SNX29: variants seen among roughly 807,000 people sequenced by gnomAD.
SNX29 encodes the protein sorting nexin-29.
A neutral mutation model predicts 102.1 loss-of-function variants in SNX29; 78 were observed. That is an observed-to-expected ratio of 0.76 (90% CI 0.64 to 0.92). SNX29 has a LOEUF of 0.92. Ranked by LOEUF, SNX29 falls within the 40% of genes least tolerant of loss-of-function variation. SNX29 has a pLI of 0.00. For missense variants in SNX29, 1,280 were observed against 1,061.7 expected, an observed-to-expected ratio of 1.21 and a Z score of -2.86; for synonymous variants, 580 against 414.5, an observed-to-expected ratio of 1.40 and a Z score of -4.85.
intron 18 of SNX29, among the ~76,000 whole-genome samples, chr16:12,472,544 CAAAA>C (rs568390260): frequency 2.6e-5 from 3 of 115,624 alleles, no homozygotes; most frequent in Non-Finnish European, 5.3e-5. Context: ...AAAAAAAAAA[CAAAA>C]AAAAAAAGAA....
intron 20 of SNX29, among the ~76,000 whole-genome samples, chr16:12,550,407 C>T (rs1010908207): frequency 1.2e-4 from 19 of 152,016 alleles, no homozygotes; most frequent in African/African-American, 1.9e-4. Context: ...TGGTGGTGCA[C>T]GCCTGTACTC....
rs117674182 is a variant in SNX29, at chr16:12,208,671, C to T, written c.1678+8988C>T. On this transcript the variant is annotated intron_variant, in intron 14 of 20. Transcript: ENST00000566228. Reference sequence around the variant, plus strand: ...TGGATGACGGAGCAAGAGGTCGTCTCTGCAAACAGTTAAAAAAAAATTGGC... The same window carrying T: ...TGGATGACGGAGCAAGAGGTCGTCTTTGCAAACAGTTAAAAAAAAATTGGC... 5.7e-4 allele frequency among the ~76,000 whole-genome samples: 86 copies of T among 152,116 alleles called. No individual in the cohort carries two copies. The East Asian group carries it at 0.01, about 18-fold the overall frequency.
intron 11 of SNX29, among the ~76,000 whole-genome samples, chr16:12,094,246 T>C (rs1165501199): frequency 2.0e-5 from 3 of 152,204 alleles, no homozygotes; most frequent in African/African-American, 4.8e-5. Flanking sequence ...AAGGGTGTTA[T>C]ATGCTATGTA....
chr16:12,329,409 T>C (rs945992378), intron 15 of SNX29, among the ~76,000 whole-genome samples: 36 of 152,100 alleles, frequency 2.4e-4, no homozygotes, highest in African/African-American at 6.3e-4. Flanking sequence ...AGTTGAACTC[T>C]CCACAGGCAG....
At chr16:12,010,910 C>G (rs1354395926) in intron 3 of SNX29, among the ~76,000 whole-genome samples, 1 of 152,036 alleles carries the variant, frequency 6.6e-6, no homozygotes, top group Non-Finnish European at 1.5e-5. Flanking sequence ...AACGGAATGG[C>G]TTTTTCAGGC....
chr16:12,540,208 C>T (rs1478071844), intron 20 of SNX29, among the ~76,000 whole-genome samples: 2 of 152,088 alleles, frequency 1.3e-5, no homozygotes, highest in African/African-American at 2.4e-5. Context: ...AGGATTGGGT[C>T]AAGGTTAACC....
rs555328714 is a variant in SNX29, at chr16:11,986,809, C to G, written c.7+9996C>G. Among the ~76,000 whole-genome samples, 3 of 152,206 alleles carry G rather than the reference C, an allele frequency of 2.0e-5. No homozygotes were observed. The East Asian group carries it at 5.8e-4, about 29-fold the overall frequency. On this transcript the variant is annotated intron_variant, in intron 1 of 20. Transcript: ENST00000566228. ...AGCCTCAAGTATTCATTTCTGCTGT[C>G]GTAGTTTGAAGGCAGCCACAGACCA... is the stretch of plus-strand genomic sequence containing the variant.
At chr16:12,442,437 A>G (rs7185322) in intron 18 of SNX29, among the ~76,000 whole-genome samples, 110,639 of 152,084 alleles carry the variant, frequency 0.73, 41,566 homozygotes, top group African/African-American at 0.93. Context: ...TTAGGGCAAG[A>G]GATTACAAGT....
chr16:12,260,075 C>CT (rs2078689682), intron 14 of SNX29, among the ~76,000 whole-genome samples: 1 of 152,208 alleles, frequency 6.6e-6, no homozygotes, highest in African/African-American at 2.4e-5. Flanking sequence ...TCTGTGACCC[C>CT]TTTTTTCTCT....
chr16:12,239,639 C>CAAAAAA (rs61024203), intron 14 of SNX29, among the ~76,000 whole-genome samples: 21 of 62,566 alleles, frequency 3.4e-4, no homozygotes, highest in African/African-American at 1.2e-3. Flanking sequence ...CCTGTTTCTA[C>CAAAAAA]AAAAAAAAAA....
At chr16:12,542,861 A>G (rs567616316) in intron 20 of SNX29, among the ~76,000 whole-genome samples, 1 of 152,156 alleles carries the variant, frequency 6.6e-6, no homozygotes, top group East Asian at 1.9e-4. Flanking sequence ...CAGAAATGCT[A>G]AATGTCTGAG....
At chr16:12,288,779 T>C (rs182131261) in intron 15 of SNX29, among the ~76,000 whole-genome samples, 29 of 152,194 alleles carry the variant, frequency 1.9e-4, no homozygotes, top group Admixed American at 1.9e-3. Flanking sequence ...TTACATGGAC[T>C]GTTTGATTCA....
At chr16:12,522,986 A>AT (rs1567651025) in intron 19 of SNX29, among the ~76,000 whole-genome samples, 1 of 151,908 alleles carries the variant, frequency 6.6e-6, no homozygotes, top group African/African-American at 2.4e-5. Flanking sequence ...ACTTTTTTCA[A>AT]TTTTTTATAG....
At chr16:12,514,499 C>A (rs578253790) in intron 19 of SNX29, among the ~76,000 whole-genome samples, 3 of 152,174 alleles carry the variant, frequency 2.0e-5, no homozygotes, top group African/African-American at 7.2e-5. Flanking sequence ...GTTTCTACCC[C>A]CCAACTAAGG....
intron 19 of SNX29, among the ~76,000 whole-genome samples, chr16:12,518,658 C>T (rs2089971959): frequency 1.3e-5 from 2 of 152,200 alleles, no homozygotes; most frequent in African/African-American, 4.8e-5. Flanking sequence ...CCCCCTCCTG[C>T]ACATTTAAAC....
At chr16:12,345,361 A>G (rs1400067553) in intron 15 of SNX29, among the ~76,000 whole-genome samples, 2 of 152,174 alleles carry the variant, frequency 1.3e-5, no homozygotes, top group Non-Finnish European at 2.9e-5. Context: ...AATAGGGACA[A>G]CACCAGCACC....
At position 12,571,189 on chromosome 16, in the gene SNX29, A is replaced by C. The variant is rs891132886; in HGVS notation, c.*2560A>C. On this transcript the variant is annotated 3_prime_UTR_variant, in exon 21 of 21. Transcript: ENST00000566228. ...CCTGCTCTCTAGTGTGGTGGGATGA[A>C]CTTCAGGCAACAAACAACTGGCAGG... 4.3e-6 allele frequency: 1 copy of C among 232,112 alleles called. No individual in the cohort carries two copies. The highest frequency in any genetic ancestry group is 2.2e-5 in the African/African-American group (1 of 45,140). The allele number at this position is 232,112 out of a possible 1,614,324, so 14.4% of individuals were successfully genotyped here.
intron 14 of SNX29, among the ~76,000 whole-genome samples, chr16:12,216,531 C>T (rs970303404): frequency 1.3e-5 from 2 of 152,182 alleles, no homozygotes; most frequent in Non-Finnish European, 2.9e-5. Context: ...GCAAGCTGAC[C>T]ACTGGTCTTG....
At chr16:12,139,582 C>T (rs2054794231) in intron 13 of SNX29, among the ~76,000 whole-genome samples, 1 of 152,194 alleles carries the variant, frequency 6.6e-6, no homozygotes, top group Admixed American at 6.5e-5. Flanking sequence ...ACAAAGCAGC[C>T]AGTTAGGCTG....
Sources: gnomAD v4.1 joint callset for allele counts (sites outside exome capture counted in the v4.1 genomes callset) on GRCh38, gnomAD v4.1.1 for gene constraint, MANE v1.5 for transcripts, NCBI Gene and HGNC (gene_info 2026-07-23, HGNC 2026-07-21) for gene names.